Variants in RAB3GAP1 observed in about 807,000 individuals in gnomAD.
The protein encoded by RAB3GAP1 is rab3 GTPase-activating protein catalytic subunit.
A neutral mutation model predicts 130.7 loss-of-function variants in RAB3GAP1; 86 were observed. The observed-to-expected ratio is 0.66, with a 90% CI of 0.55 to 0.79. RAB3GAP1 has a LOEUF of 0.79. Ranked by LOEUF, RAB3GAP1 falls within the 30% of genes least tolerant of loss-of-function variation. The probability of loss-of-function intolerance (pLI) is 0.00; values close to 1 mark genes in which losing one functional copy is unlikely to be tolerated. For synonymous variants in RAB3GAP1, 367 were observed against 401.7 expected (o/e 0.91, Z 1.03); for missense variants, 1,029 against 1,169.4 (o/e 0.88, Z 1.75).
At chr2:135,106,227 C>G (rs1345222649) in intron 5 of RAB3GAP1, among the ~76,000 whole-genome samples, 1 of 152,226 alleles carries the variant, frequency 6.6e-6, no homozygotes, top group African/African-American at 2.4e-5. Flanking sequence ...AGGAGCCCCT[C>G]TGCCTGGCCG....
At chr2:135,117,705 GCTTCTGCTT>G (rs1691057524) in intron 7 of RAB3GAP1, among the ~76,000 whole-genome samples, 2 of 19,246 alleles carry the variant, frequency 1.0e-4, no homozygotes, top group African/African-American at 3.8e-4. Flanking sequence ...TGCTTCTTCT[GCTTCTGCTT>G]CTTCTTCTGC....
intron 3 of RAB3GAP1, among the ~76,000 whole-genome samples, chr2:135,069,007 G>A (rs1340331632): frequency 6.6e-6 from 1 of 152,144 alleles, no homozygotes; most frequent in Non-Finnish European, 1.5e-5. Context: ...ATCATTTACG[G>A]GAGATTTTGG....
chr2:135,116,523 TGGA>T (rs1353994152), intron 7 of RAB3GAP1, among the ~76,000 whole-genome samples: 41 of 152,284 alleles, frequency 2.7e-4, no homozygotes, highest in Middle Eastern at 3.4e-3. Context: ...GATTCTTGAT[TGGA>T]TCCTTTTTCA....
intron 5 of RAB3GAP1, among the ~76,000 whole-genome samples, chr2:135,112,834 TCACACACACACACACACA>T (rs200860381): frequency 1.5e-5 from 2 of 132,372 alleles, no homozygotes; most frequent in Non-Finnish European, 3.1e-5. Context: ...TCTCTCTCTC[TCACACACACACACACACA>T]CACACACACA....
intron 13 of RAB3GAP1, among the ~76,000 whole-genome samples, chr2:135,131,792 G>GT (rs1691553545): frequency 6.6e-6 from 1 of 152,210 alleles, no homozygotes; most frequent in Admixed American, 6.5e-5. Flanking sequence ...AGGATCTTCT[G>GT]TGACACTGCC....
At chr2:135,141,007 A>G (rs1481141109) in intron 17 of RAB3GAP1, among the ~76,000 whole-genome samples, 2 of 152,104 alleles carry the variant, frequency 1.3e-5, no homozygotes, top group African/African-American at 4.8e-5. Flanking sequence ...GGTAGGAGGT[A>G]GGATCTTGTG....
intron 12 of RAB3GAP1, 67 bp downstream of exon 12, chr2:135,130,154 G>A: frequency 3.9e-6 from 5 of 1,285,048 alleles, no homozygotes; most frequent in Non-Finnish European, 5.6e-6. Context: ...ACATTTTTCA[G>A]CAACTTTTCA....
chr2:135,173,622 C>T (rs887755284), downstream of RAB3GAP1, among the ~76,000 whole-genome samples: 1 of 152,190 alleles, frequency 6.6e-6, no homozygotes, highest in Non-Finnish European at 1.5e-5. Context: ...GTCAGTACCC[C>T]TTTGCTAGCA....
chr2:135,102,424 GTTTT>G (rs1419238112), intron 5 of RAB3GAP1, among the ~76,000 whole-genome samples: 1 of 152,168 alleles, frequency 6.6e-6, no homozygotes, highest in South Asian at 2.1e-4. Flanking sequence ...ATCAATCTGT[GTTTT>G]TTTAAGTCAC....
In RAB3GAP1 at chr2:135,162,554, G is replaced by C; in HGVS notation, c.2290-1G>C. On this transcript the variant is annotated splice_acceptor_variant, in intron 19 of 23. Transcript: ENST00000264158. LOFTEE classifies it high-confidence loss of function. ...ATTTGTGTGCGCTGCACCTCCTTCAGGTGCTGCACTATCTGGCAATCCAGA... is the reference window on the plus strand; with the variant it reads ...ATTTGTGTGCGCTGCACCTCCTTCACGTGCTGCACTATCTGGCAATCCAGA... 1 of 1,612,652 alleles carries C rather than the reference G, an allele frequency of 6.2e-7. No homozygotes were observed. The highest frequency in any genetic ancestry group is 8.5e-7 in the Non-Finnish European group (1 of 1,179,128).
At chr2:135,098,252 C>T (rs1341196672) in intron 5 of RAB3GAP1, among the ~76,000 whole-genome samples, 2 of 151,760 alleles carry the variant, frequency 1.3e-5, no homozygotes, top group Admixed American at 1.3e-4. Context: ...TTTGAGAGTT[C>T]GTTGTATACT....
intron 3 of RAB3GAP1, among the ~76,000 whole-genome samples, chr2:135,070,727 G>A (rs1433884316): frequency 1.3e-5 from 2 of 152,054 alleles, no homozygotes; most frequent in South Asian, 2.1e-4. Context: ...GGCTGGTCTC[G>A]AACTCATGAC....
intron 8 of RAB3GAP1, among the ~76,000 whole-genome samples, chr2:135,123,192 C>G (rs1691252792): frequency 6.6e-6 from 1 of 152,116 alleles, no homozygotes; most frequent in South Asian, 2.1e-4. Context: ...TTTAATTCAG[C>G]TAAAACTTTT....
chr2:135,152,264 GT>G (rs1195214625), intron 18 of RAB3GAP1, among the ~76,000 whole-genome samples: 1 of 152,232 alleles, frequency 6.6e-6, no homozygotes, highest in Non-Finnish European at 1.5e-5. Context: ...GAAGGAGAGG[GT>G]GGATTCTGGA....
chr2:135,077,019 C>G (rs1355162401), intron 3 of RAB3GAP1, among the ~76,000 whole-genome samples: 1 of 152,194 alleles, frequency 6.6e-6, no homozygotes, highest in African/African-American at 2.4e-5. Flanking sequence ...CCTGTAATCC[C>G]AGCACTTTGG....
Position 135,164,661 on chromosome 2 carries a change from A to T in RAB3GAP1, c.2674A>T (p.Arg892Trp), listed in dbSNP as rs1558806901. 6.2e-7 allele frequency: 1 copy of T among 1,613,142 alleles called. No individual in the cohort carries two copies. Among genetic ancestry groups the T allele is most frequent in the Non-Finnish European group, 8.5e-7 (1 of 1,179,298 alleles). ...CGGTGCAGGAAGAGGACATGCTGGC[A>T]GGATCATTCACAAGCTGTTTGTGAA... ...VTGAGRGHAGRIIHKLFVNAQ... is the reference protein window; with the variant it reads ...VTGAGRGHAGWIIHKLFVNAQ... Residue 892 changes from arginine to tryptophan, a missense_variant, in exon 23 of 24, where the codon AGG (arginine) becomes TGG (tryptophan). Arg to Trp is a moderately radical substitution (Grantham distance 101, BLOSUM62 -3). Around this residue, in one of 3 missense-constraint regions of RAB3GAP1, gnomAD observed 146 missense variants for 143.7 expected, o/e 1.02. Transcript: ENST00000264158.
chr2:135,094,715 A>T (rs1386500075), intron 5 of RAB3GAP1, among the ~76,000 whole-genome samples: 2 of 152,156 alleles, frequency 1.3e-5, no homozygotes, highest in Admixed American at 1.3e-4. Flanking sequence ...TATCCATAAG[A>T]CACTAACATC....
chr2:135,124,125 AT>A, intron 8 of RAB3GAP1, 39 bp from the exon 9 acceptor site: 4 of 1,569,234 alleles, frequency 2.5e-6, no homozygotes, highest in Non-Finnish European at 1.8e-6. Context: ...ACTCTTCTTT[AT>A]TTTTTCCCAA....
intron 17 of RAB3GAP1, 94 bp from the exon 18 acceptor site, chr2:135,150,275 A>G: frequency 3.4e-6 from 5 of 1,460,988 alleles, no homozygotes; most frequent in Middle Eastern, 3.6e-4. Flanking sequence ...TGTGACTGCT[A>G]TAGCTGAAAT....
Sources: allele counts gnomAD v4.1 joint callset (sites outside exome capture counted in the v4.1 genomes callset), GRCh38; gene constraint gnomAD v4.1.1; regional missense constraint gnomAD v4.1.1; transcripts MANE v1.5; gene names NCBI Gene and HGNC (gene_info 2026-07-23, HGNC 2026-07-21).